The following CCDC88C variants were observed in gnomAD, a reference collection of about 807,000 sequenced individuals.
CCDC88C encodes the protein protein Daple.
CCDC88C carries 131 observed loss-of-function variants against 198.8 expected under a neutral mutation model. The ratio of observed to expected loss-of-function variants is 0.66; its 90% confidence interval spans 0.57 to 0.76. CCDC88C has a LOEUF of 0.76. Ranked by LOEUF, CCDC88C falls within the 30% of genes least tolerant of loss-of-function variation. The pLI is 0.00. For missense variants in CCDC88C, 2,553 were observed against 2,631.6 expected (o/e 0.97, Z 0.65); for synonymous variants, 1,166 against 1,114.7 (o/e 1.05, Z -0.92).
Position 91,313,502 on chromosome 14 carries a change from G to A in CCDC88C, c.2314C>T (p.Gln772Ter). Residue 772 changes from glutamine (Q) to a stop codon, truncating the protein, a stop_gained, in exon 15 of 30, where the codon CAG becomes TAG. Transcript: ENST00000389857. LOFTEE classifies it high-confidence loss of function. The surrounding 1 kb of genome is among the most constrained non-coding windows in gnomAD (Gnocchi z 5.2). ...QSVSAENLRL[Q>*]QSLESSSHKT... ...TGGCTGCTGCTCTCCAGGCTCTGCT[G>A]CAGCCGGAGGTTCTCAGCGCTCACG... 6.2e-7 allele frequency: 1 copy of A among 1,608,172 alleles called. No individual in the cohort carries two copies. The highest frequency in any genetic ancestry group is 8.5e-7 in the Non-Finnish European group (1 of 1,179,810).
At position 91,313,063 on chromosome 14, in the gene CCDC88C, C is replaced by T. The variant is rs375992509; in HGVS notation, c.2736+17G>A. The T allele has an allele frequency of 1.5e-5, 23 of 1,554,756 alleles. No individual in the cohort carries two copies. The highest frequency in any genetic ancestry group is 6.8e-5 in the East Asian group (3 of 44,324). ...CATCTGCCAATCCCCTTACAGGCGC[C>T]GCCTGTGTTTGCTCACCTCCCTCAG... On this transcript the variant is annotated intron_variant, in intron 15 of 29. Coordinates refer to ENST00000389857, the MANE Select transcript of CCDC88C (RefSeq NM_001080414.4). The surrounding 1 kb of genome is among the most constrained non-coding windows in gnomAD (Gnocchi z 5.2).
rs557698743 is a variant in CCDC88C at position 91,338,790 on chromosome 14, G to A, written c.810-220C>T. Reference sequence around the variant, plus strand: ...ACCGGCCCTTAAACTATGTCCATCCGCCACTCAGGTCTCCCTCCCTGTGTG... The same window carrying A: ...ACCGGCCCTTAAACTATGTCCATCCACCACTCAGGTCTCCCTCCCTGTGTG... On this transcript the variant is annotated intron_variant, in intron 8 of 29. Coordinates refer to ENST00000389857, the MANE Select transcript of CCDC88C (RefSeq NM_001080414.4). The surrounding 1 kb of genome is among the most constrained non-coding windows in gnomAD (Gnocchi z 4.8). 11 of 551,968 alleles carry A rather than the reference G, an allele frequency of 2.0e-5. No individual in the cohort carries two copies. The highest frequency in any genetic ancestry group is 4.2e-5 in the South Asian group (2 of 47,666). The allele number at this position is 551,968 out of a possible 1,614,324, so 34.2% of individuals were successfully genotyped here. A position where few individuals can be genotyped will look rare whatever the true frequency, so the allele number is the denominator to read the frequency against.
intron 3 of CCDC88C, among the ~76,000 whole-genome samples, chr14:91,372,528 C>CGGGGGGGGGGG (rs199749681): frequency 1.2e-4 from 3 of 24,530 alleles, no homozygotes; most frequent in African/African-American, 2.8e-4. Flanking sequence ...GGCAGTGGTG[C>CGGGGGGGGGGG]GGGGGGGGGC....
chr14:91,405,323 C>T (rs370626663), intron 3 of CCDC88C, among the ~76,000 whole-genome samples: 33 of 152,250 alleles, frequency 2.2e-4, no homozygotes, highest in African/African-American at 7.0e-4. Flanking sequence ...CCAGAATGCG[C>T]GACCTTGATG....
At position 91,343,484 on chromosome 14, in the gene CCDC88C, T is replaced by C. The variant is rs941915; in HGVS notation, c.399+115A>G. On this transcript the variant is annotated intron_variant, in intron 5 of 29. Transcript: ENST00000389857. Reference sequence around the variant, plus strand: ...CCAGGAACCCAGCGGCCTTCTGTCATATTGGACTGAAAGGAGCATCCTCCC... The same window carrying C: ...CCAGGAACCCAGCGGCCTTCTGTCACATTGGACTGAAAGGAGCATCCTCCC... 8.7e-3 allele frequency: 13,102 copies of C among 1,503,028 alleles called. 94 individuals carry two copies. The highest frequency in any genetic ancestry group is 0.029 in the Middle Eastern group (164 of 5,650). 93.1% of individuals were successfully genotyped at this position (1,503,028 alleles called of 1,614,324 possible). A position where few individuals can be genotyped will look rare whatever the true frequency, so the allele number is the denominator to read the frequency against.
At position 91,303,743 on chromosome 14, in the gene CCDC88C, A is replaced by G; in HGVS notation, c.3593T>C (p.Leu1198Pro). Residue 1198 changes from leucine (L) to proline (P), a missense_variant, in exon 20 of 30, where the codon CTG becomes CCG. Physicochemically the swap from Leu to Pro is moderately conservative, Grantham distance 98 (BLOSUM62 -3). Transcript: ENST00000389857. Reference sequence around the variant, plus strand: ...GTGCTCCAGCTCCAGATTCCGATGCAGTGTCTTTAGGCAGCTGTGCTGGCG... The same window carrying G: ...GTGCTCCAGCTCCAGATTCCGATGCGGTGTCTTTAGGCAGCTGTGCTGGCG... Reference protein sequence around the residue: ...LIRQHSCLKTLHRNLELEHKE... With the variant: ...LIRQHSCLKTPHRNLELEHKE... 6.2e-7 allele frequency: 1 copy of G among 1,609,360 alleles called. No individual in the cohort carries two copies. Among genetic ancestry groups the G allele is most frequent in the Non-Finnish European group, 8.5e-7 (1 of 1,177,278 alleles).
At chr14:91,294,886 G>C (rs940423354) in intron 22 of CCDC88C, among the ~76,000 whole-genome samples, 4 of 152,200 alleles carry the variant, frequency 2.6e-5, no homozygotes, top group African/African-American at 9.7e-5. Context: ...TCAAACTCCT[G>C]ACCTCAGGTG....
intron 27 of CCDC88C, chr14:91,281,250 G>T: frequency 7.7e-7 from 1 of 1,290,366 alleles, no homozygotes; most frequent in Non-Finnish European, 1.1e-6. Context: ...GTGATGCTTG[G>T]GAGGTAGCGA....
In CCDC88C at chr14:91,272,931, C is replaced by A; in HGVS notation, c.5781G>T (p.Leu1927=). ...CCGGGGCTGCAGCAGGTGAGAAGTGCAGGAGCTGGGAGTTGCTGCCACTGC... is the reference window on the plus strand; with the variant it reads ...CCGGGGCTGCAGCAGGTGAGAAGTGAAGGAGCTGGGAGTTGCTGCCACTGC... ...AAGSGSNSQL[L]HFSPAAAPAA... Residue 1927 remains leucine, a synonymous_variant, in exon 30 of 30, where the codon CTG becomes CTT. Transcript: ENST00000389857. 6.4e-7 allele frequency: 1 copy of A among 1,568,668 alleles called. No homozygotes were observed. Among genetic ancestry groups the A allele is most frequent in the South Asian group, 1.2e-5 (1 of 86,674 alleles).
Position 91,284,841 on chromosome 14 carries a change from A to G in CCDC88C, c.4442-1324T>C, listed in dbSNP as rs1329388032. 6.6e-6 allele frequency among the ~76,000 whole-genome samples: 1 copy of G among 152,260 alleles called. No homozygotes were observed. Among genetic ancestry groups the G allele is most frequent in the Admixed American group, 6.5e-5 (1 of 15,286 alleles). Reference sequence around the variant, plus strand: ...TGTAAGGGAAAACATGCAGGTAATCATATTTTTGTAGGTAATCATAGACGG... The same window carrying G: ...TGTAAGGGAAAACATGCAGGTAATCGTATTTTTGTAGGTAATCATAGACGG... On this transcript the variant is annotated intron_variant, in intron 25 of 29. Transcript: ENST00000389857. This position sits in a 1 kb window ranked among gnomAD's most constrained non-coding sequence, Gnocchi z 4.1.
At chr14:91,330,730 G>A (rs558789096) in intron 10 of CCDC88C, among the ~76,000 whole-genome samples, 1 of 152,122 alleles carries the variant, frequency 6.6e-6, no homozygotes, top group Non-Finnish European at 1.5e-5. Context: ...AGGTGTGGAG[G>A]GAAAGACAAT....
In CCDC88C at chr14:91,327,904, T is replaced by C. The variant is rs142235596; in HGVS notation, c.1051-1848A>G. 3.7e-3 allele frequency among the ~76,000 whole-genome samples: 560 copies of C among 152,222 alleles called. 1 individual carries two copies. Among genetic ancestry groups the C allele is most frequent in the Middle Eastern group, 0.02 (6 of 294 alleles). On this transcript the variant is annotated intron_variant, in intron 10 of 29. Transcript: ENST00000389857. ...TTCAGCCTTCAAGACCCAGCTGGAGTTGTCCCCTAGGAGAAGTGCTTGAGA... is the reference window on the plus strand; with the variant it reads ...TTCAGCCTTCAAGACCCAGCTGGAGCTGTCCCCTAGGAGAAGTGCTTGAGA...
At chr14:91,392,764 C>CGCCCCTCACTCTCACT (rs1885587952) in intron 3 of CCDC88C, among the ~76,000 whole-genome samples, 1 of 148,970 alleles carries the variant, frequency 6.7e-6, no homozygotes, top group Non-Finnish European at 1.5e-5. Context: ...TCACTCTCAC[C>CGCCCCTCACTCTCACT]GCGCCCCTCA....
chr14:91,352,143 T>TTCCC lies in CCDC88C; in HGVS notation c.340+7495_340+7498dup. Among the ~76,000 whole-genome samples the TTCCC allele has an allele frequency of 6.6e-6, 1 of 152,312 alleles. No individual in the cohort carries two copies. On this transcript the variant is annotated intron_variant, in intron 4 of 29. Coordinates refer to ENST00000389857, the MANE Select transcript of CCDC88C (RefSeq NM_001080414.4). The surrounding 1 kb of genome is among the most constrained non-coding windows in gnomAD (Gnocchi z 4.2). The stretch of plus-strand genomic sequence containing the variant: ...AAAGACCTTTGACAAATAGCATCTC[T>TTCCC]TCCCTCCTCCGCAGACGGCGGTGGC...
chr14:91,314,241 C>A, intron 14 of CCDC88C, 91 bp from the exon 15 acceptor site: 1 of 1,049,394 alleles, frequency 9.5e-7, no homozygotes, highest in Non-Finnish European at 1.4e-6. Flanking sequence ...GAGAGAAGGC[C>A]TTGAACGGCT....
At chr14:91,298,791 G>A (rs763135239) in intron 21 of CCDC88C, among the ~76,000 whole-genome samples, 2 of 152,136 alleles carry the variant, frequency 1.3e-5, no homozygotes, top group Admixed American at 6.5e-5. Flanking sequence ...AGGTAACTGA[G>A]TTTCTAACCC....
chr14:91,280,540 G>A (rs371190858), intron 27 of CCDC88C, among the ~76,000 whole-genome samples: 4 of 152,202 alleles, frequency 2.6e-5, no homozygotes, highest in East Asian at 3.9e-4. Flanking sequence ...AGCGATCAAC[G>A]GCCCAAAAGC....
In CCDC88C at chr14:91,294,329, G is replaced by C; in HGVS notation, c.3967-11C>G. On this transcript the variant is annotated splice_polypyrimidine_tract_variant and intron_variant, in intron 22 of 29. Transcript: ENST00000389857. ...GAGACGGGAGAGCAGCTAGAACACA[G>C]ACCAACAGCGTCTCAGACACCATGT... 3 of 1,613,394 alleles carry C rather than the reference G, an allele frequency of 1.9e-6. No homozygotes were observed. Among genetic ancestry groups the C allele is most frequent in the Middle Eastern group, 1.6e-4 (1 of 6,062 alleles).
intron 20 of CCDC88C, 84 bp downstream of exon 20, chr14:91,303,617 C>T: frequency 7.1e-7 from 1 of 1,414,880 alleles, no homozygotes. Context: ...ACCCATCTAC[C>T]CCAGGCCCCA....
Sources: allele counts gnomAD v4.1 joint callset (sites outside exome capture counted in the v4.1 genomes callset), GRCh38; gene constraint gnomAD v4.1.1; non-coding constraint Gnocchi (gnomAD v3.1); transcripts MANE v1.5; gene names NCBI Gene and HGNC (gene_info 2026-07-23, HGNC 2026-07-21).